SUCLG2: variants seen among roughly 807,000 people sequenced by gnomAD.
The protein encoded by SUCLG2 is succinate--CoA ligase [GDP-forming] subunit beta, mitochondrial.
SUCLG2 carries 42 observed loss-of-function variants against 47.9 expected under a neutral mutation model. The ratio of observed to expected loss-of-function variants is 0.88; its 90% CI spans 0.69 to 1.14. SUCLG2 has a LOEUF of 1.14. Ranked by LOEUF, SUCLG2 falls within the 50% of genes most tolerant of loss-of-function variation. SUCLG2 has a pLI of 0.00. For missense variants in SUCLG2, 571 were observed against 525.9 expected (o/e 1.09, Z -0.84); for synonymous variants, 195 against 197.3 (o/e 0.99, Z 0.10).
At chr3:67,542,791 C>T (rs977201114) in intron 2 of SUCLG2, among the ~76,000 whole-genome samples, 1 of 152,178 alleles carries the variant, frequency 6.6e-6, no homozygotes, top group African/African-American at 2.4e-5. Context: ...AATATATATG[C>T]ACCCAAAACA....
chr3:67,430,390 C>A (rs1333459136), intron 9 of SUCLG2, among the ~76,000 whole-genome samples: 5 of 152,144 alleles, frequency 3.3e-5, no homozygotes, highest in Non-Finnish European at 7.3e-5. Flanking sequence ...TAAAGATGTT[C>A]TTTGAAACCA....
At chr3:67,523,637 T>G (rs1706179592) in intron 4 of SUCLG2, among the ~76,000 whole-genome samples, 2 of 152,214 alleles carry the variant, frequency 1.3e-5, no homozygotes, top group African/African-American at 4.8e-5. Context: ...GCATCAACAT[T>G]AATACAAACA....
intron 2 of SUCLG2, among the ~76,000 whole-genome samples, chr3:67,558,016 C>A (rs1256045365): frequency 2.0e-5 from 3 of 152,176 alleles, no homozygotes; most frequent in Non-Finnish European, 2.9e-5. Flanking sequence ...TGGTGAGGAA[C>A]TGAAACGTTT....
intron 7 of SUCLG2, among the ~76,000 whole-genome samples, chr3:67,500,241 G>A (rs1436713750): frequency 2.6e-5 from 4 of 151,204 alleles, no homozygotes; most frequent in South Asian, 2.1e-4. Context: ...GCTGTATATG[G>A]CATCTTGGCG....
chr3:67,645,751 G>GT (rs1319045594), intron 1 of SUCLG2, among the ~76,000 whole-genome samples: 1 of 151,458 alleles, frequency 6.6e-6, no homozygotes, highest in Non-Finnish European at 1.5e-5. Context: ...AAAGGCCCAC[G>GT]TAAGCCCTCA....
At position 67,529,117 on chromosome 3, in the gene SUCLG2, C is replaced by T. The variant is rs1158747468; in HGVS notation, c.296G>A (p.Gly99Asp). 1.2e-6 allele frequency: 2 copies of T among 1,613,124 alleles called. No individual in the cohort carries two copies. The highest frequency in any genetic ancestry group is 1.1e-5 in the South Asian group (1 of 90,838). The change falls in exon 3 of 11, where the codon GGT becomes GAT. Residue 99 changes from glycine (G) to aspartate (D), a missense_variant. Gly to Asp is a moderately conservative substitution (Grantham distance 94). Coordinates refer to ENST00000307227, the MANE Select transcript of SUCLG2 (RefSeq NM_003848.4). ...GGRGKGVFNS[G>D]LKGGVHLTKD... ...TGTTAAATGAACACCTCCTTTCAAA[C>T]CACTATTGAAGACACCTTTTCCTCT...
intron 9 of SUCLG2, among the ~76,000 whole-genome samples, chr3:67,435,088 G>A (rs1211737304): frequency 6.6e-6 from 1 of 152,088 alleles, no homozygotes; most frequent in African/African-American, 2.4e-5. Flanking sequence ...GCTTGAGTGG[G>A]TAAACTACAG....
At chr3:67,455,500 T>A (rs187247097) in intron 9 of SUCLG2, among the ~76,000 whole-genome samples, 3 of 152,316 alleles carry the variant, frequency 2.0e-5, no homozygotes, top group Admixed American at 1.3e-4. Context: ...GATTTTAAAT[T>A]TCTTCCTGCT....
At chr3:67,641,976 T>C (rs536372946) in intron 1 of SUCLG2, among the ~76,000 whole-genome samples, 3 of 152,312 alleles carry the variant, frequency 2.0e-5, no homozygotes, top group South Asian at 2.1e-4. Context: ...TGCCCGAGTA[T>C]AAATTTTCTC....
chr3:67,425,877 A>G (rs1259784007), intron 9 of SUCLG2, among the ~76,000 whole-genome samples: 1 of 152,234 alleles, frequency 6.6e-6, no homozygotes, highest in Non-Finnish European at 1.5e-5. Context: ...GAGGTTTCCA[A>G]TGACCCAAAA....
chr3:67,594,929 G>C (rs965819740), intron 2 of SUCLG2, among the ~76,000 whole-genome samples: 2 of 152,082 alleles, frequency 1.3e-5, no homozygotes, highest in Non-Finnish European at 2.9e-5. Flanking sequence ...ATTTTTAGTT[G>C]TATCAGTCTT....
rs1010432560 is a variant in SUCLG2 at position 67,537,273 on chromosome 3, T to C, written c.227-8087A>G. 2.6e-5 allele frequency among the ~76,000 whole-genome samples: 4 copies of C among 151,940 alleles called. No homozygotes were observed. The South Asian group carries it at 8.3e-4, about 32-fold the overall frequency. On this transcript the variant is annotated intron_variant, in intron 2 of 10. Transcript: ENST00000307227. ...TGTGATGTTCCCCTCCCTGTGTCCATGTGTTCTCATTGCTCAACTCCCACT... is the reference window on the plus strand; with the variant it reads ...TGTGATGTTCCCCTCCCTGTGTCCACGTGTTCTCATTGCTCAACTCCCACT...
chr3:67,380,682 G>C (rs1474834653), intron 10 of SUCLG2, among the ~76,000 whole-genome samples: 1 of 98,296 alleles, frequency 1.0e-5, no homozygotes, highest in East Asian at 2.9e-4. Context: ...AAGGGGAAAG[G>C]GGGGTAGAGA....
chr3:67,396,347 C>A (rs1472262385), intron 10 of SUCLG2, among the ~76,000 whole-genome samples: 3 of 152,048 alleles, frequency 2.0e-5, no homozygotes, highest in Non-Finnish European at 4.4e-5. Flanking sequence ...GATATCACCA[C>A]CGATCCCACA....
intron 9 of SUCLG2, among the ~76,000 whole-genome samples, chr3:67,472,956 T>C (rs189810409): frequency 6.6e-6 from 1 of 152,300 alleles, no homozygotes; most frequent in African/African-American, 2.4e-5. Context: ...GGTGTAATCA[T>C]ATAATGGAAA....
At chr3:67,639,494 A>T in intron 1 of SUCLG2, among the ~76,000 whole-genome samples, 1 of 151,672 alleles carries the variant, frequency 6.6e-6, no homozygotes, top group African/African-American at 2.4e-5. Flanking sequence ...TCGCGCCACC[A>T]TTTTTATACA....
chr3:67,554,646 T>C (rs1332439909), intron 2 of SUCLG2, among the ~76,000 whole-genome samples: 1 of 152,170 alleles, frequency 6.6e-6, no homozygotes, highest in Non-Finnish European at 1.5e-5. Flanking sequence ...GTTGAAAACT[T>C]TACATAAGAG....
intron 1 of SUCLG2, among the ~76,000 whole-genome samples, chr3:67,631,322 C>T (rs554355075): frequency 6.4e-4 from 97 of 152,110 alleles, no homozygotes; most frequent in Non-Finnish European, 1.2e-3. Context: ...AATGTAAGGC[C>T]CAGGAGTATA....
chr3:67,583,316 T>TC (rs1413936567), intron 2 of SUCLG2, among the ~76,000 whole-genome samples: 1 of 152,162 alleles, frequency 6.6e-6, no homozygotes, highest in African/African-American at 2.4e-5. Context: ...CTTGCCTGCC[T>TC]CCTCACTGGT....
Sources: gnomAD v4.1 joint callset for allele counts (sites outside exome capture counted in the v4.1 genomes callset) on GRCh38, gnomAD v4.1.1 for gene constraint, MANE v1.5 for transcripts, NCBI Gene and HGNC (gene_info 2026-07-23, HGNC 2026-07-21) for gene names.